GRM7: variants seen among roughly 807,000 people sequenced by gnomAD.
GRM7 encodes the protein metabotropic glutamate receptor 7.
GRM7 carries 35 observed loss-of-function variants against 84.5 expected under a neutral mutation model. The ratio of observed to expected loss-of-function variants is 0.41; its 90% confidence interval spans 0.32 to 0.55. The LOEUF is 0.55. GRM7 is among the 20% of genes least tolerant of loss of function. The pLI is 0.19. For missense variants in GRM7, 1,003 were observed against 1,194.6 expected (o/e 0.84, Z 2.36); for synonymous variants, 487 against 455.1 (o/e 1.07, Z -0.89).
At chr3:6,968,629 T>C (rs941071245) in intron 1 of GRM7, among the ~76,000 whole-genome samples, 2 of 152,264 alleles carry the variant, frequency 1.3e-5, no homozygotes, top group Non-Finnish European at 2.9e-5. Flanking sequence ...TATTTTGTTC[T>C]CATTATCATT....
At chr3:7,421,816 G>A (rs1026614458) in intron 5 of GRM7, among the ~76,000 whole-genome samples, 15 of 145,328 alleles carry the variant, frequency 1.0e-4, no homozygotes, top group Admixed American at 1.0e-3. Flanking sequence ...TTTTGTTTTC[G>A]TTTTTGTTTT....
intron 1 of GRM7, among the ~76,000 whole-genome samples, chr3:7,080,986 G>T (rs994666426): frequency 6.6e-6 from 1 of 151,984 alleles, no homozygotes; most frequent in Admixed American, 6.6e-5. Context: ...AAAGACTTCA[G>T]GTGGTTTTCT....
At chr3:7,442,447 GT>G (rs1414250495) in intron 5 of GRM7, among the ~76,000 whole-genome samples, 1 of 152,054 alleles carries the variant, frequency 6.6e-6, no homozygotes, top group Non-Finnish European at 1.5e-5. Context: ...GATGCCTTTT[GT>G]TTCTTTCTCT....
At chr3:7,737,615 T>G (rs956600770) in intron 9 of GRM7, among the ~76,000 whole-genome samples, 2 of 152,162 alleles carry the variant, frequency 1.3e-5, no homozygotes, top group African/African-American at 4.8e-5. Context: ...ACATTGGACA[T>G]TGCTGTGAAA....
At chr3:7,203,839 A>G (rs927691022) in intron 2 of GRM7, among the ~76,000 whole-genome samples, 1 of 152,160 alleles carries the variant, frequency 6.6e-6, no homozygotes, top group Non-Finnish European at 1.5e-5. Context: ...CTTTGTGTTT[A>G]TATTCTTATC....
intron 8 of GRM7, among the ~76,000 whole-genome samples, chr3:7,663,335 A>C (rs1699545388): frequency 6.6e-6 from 1 of 152,174 alleles, no homozygotes. Flanking sequence ...TTTATCTACC[A>C]GTATATCCTA....
intron 7 of GRM7, among the ~76,000 whole-genome samples, chr3:7,547,194 CTTTTTTTTTTT>C (rs55678792): frequency 1.2e-4 from 9 of 76,428 alleles, no homozygotes; most frequent in South Asian, 6.1e-4. Context: ...AGAGTGAATT[CTTTTTTTTTTT>C]TTTTTTTTTT....
chr3:7,725,616 G>A (rs1702096785), intron 9 of GRM7, among the ~76,000 whole-genome samples: 1 of 152,108 alleles, frequency 6.6e-6, no homozygotes, highest in South Asian at 2.1e-4. Context: ...ACTTATCACT[G>A]CATCTCAATG....
intron 1 of GRM7, among the ~76,000 whole-genome samples, chr3:6,887,816 A>G (rs1695761783): frequency 6.6e-6 from 1 of 152,230 alleles, no homozygotes. Context: ...ACTGTCTTCC[A>G]CAATGGTTGA....
At chr3:7,610,146 A>T (rs954320063) in intron 8 of GRM7, among the ~76,000 whole-genome samples, 1 of 152,146 alleles carries the variant, frequency 6.6e-6, no homozygotes, top group African/African-American at 2.4e-5. Context: ...TTCTTGGTTA[A>T]CTGCCTTGGA....
At chr3:6,908,663 A>G (rs140029411) in intron 1 of GRM7, among the ~76,000 whole-genome samples, 1 of 152,290 alleles carries the variant, frequency 6.6e-6, no homozygotes, top group Non-Finnish European at 1.5e-5. Context: ...TTTTATGAGG[A>G]CACTAAGACT....
chr3:7,621,442 C>T (rs141591731), intron 8 of GRM7, among the ~76,000 whole-genome samples: 196 of 152,120 alleles, frequency 1.3e-3, no homozygotes, highest in African/African-American at 4.4e-3. Context: ...GTGGACCCTG[C>T]CAAAAGAATT....
intron 9 of GRM7, among the ~76,000 whole-genome samples, chr3:7,689,253 C>T (rs1243123564): frequency 1.3e-5 from 2 of 152,088 alleles, no homozygotes; most frequent in Admixed American, 1.3e-4. Context: ...TTATAAAAAT[C>T]ATATTGGTTT....
At chr3:6,995,410 C>A (rs550041694) in intron 1 of GRM7, among the ~76,000 whole-genome samples, 22 of 152,284 alleles carry the variant, frequency 1.4e-4, no homozygotes, top group African/African-American at 5.3e-4. Flanking sequence ...AGATTCAGCC[C>A]ATGAGCCATA....
chr3:7,167,967 C>CT (rs1295538564), intron 2 of GRM7, among the ~76,000 whole-genome samples: 2 of 86,738 alleles, frequency 2.3e-5, no homozygotes, highest in African/African-American at 4.9e-5. Flanking sequence ...GAGCGAGACT[C>CT]TGTCTCAAAA....
At chr3:7,227,478 T>C (rs1200603491) in intron 2 of GRM7, among the ~76,000 whole-genome samples, 2 of 152,200 alleles carry the variant, frequency 1.3e-5, no homozygotes, top group Admixed American at 1.3e-4. Flanking sequence ...AGAGACCTCC[T>C]ATTGTATCGC....
At chr3:6,975,939 A>G (rs1407312564) in intron 1 of GRM7, among the ~76,000 whole-genome samples, 1 of 152,198 alleles carries the variant, frequency 6.6e-6, no homozygotes, top group Non-Finnish European at 1.5e-5. Flanking sequence ...GATCAGAATC[A>G]AGAGCTGGAC....
chr3:6,954,848 G>A (rs1358584050), intron 1 of GRM7, among the ~76,000 whole-genome samples: 1 of 152,206 alleles, frequency 6.6e-6, no homozygotes, highest in Non-Finnish European at 1.5e-5. Flanking sequence ...TGATTATAAA[G>A]AAGAGGCAGT....
intron 1 of GRM7, among the ~76,000 whole-genome samples, chr3:6,910,612 C>G (rs907200579): frequency 2.0e-4 from 30 of 152,120 alleles, no homozygotes; most frequent in Admixed American, 8.5e-4. Flanking sequence ...TCAGTGTTCT[C>G]TTTAGTTTGT....
Sources: gnomAD v4.1 joint callset for allele counts (sites outside exome capture counted in the v4.1 genomes callset) on GRCh38, gnomAD v4.1.1 for gene constraint, MANE v1.5 for transcripts, NCBI Gene and HGNC (gene_info 2026-07-23, HGNC 2026-07-21) for gene names.